BIN3: variants seen among roughly 807,000 people sequenced by gnomAD.
BIN3 encodes the protein bridging integrator 3.
Under a neutral mutation model 38.2 loss-of-function variants are expected in BIN3, and 41 were observed. The ratio of observed to expected loss-of-function variants is 1.07; its 90% confidence interval spans 0.84 to 1.39. The LOEUF (loss-of-function observed/expected upper bound fraction) is 1.39, where lower values mean the gene tolerates loss of function less well. BIN3 is among the 40% of genes most tolerant of loss of function. The pLI is 0.00. For synonymous variants in BIN3, 145 were observed against 122.6 expected, an observed-to-expected ratio of 1.18 and a Z score of -1.21; for missense variants, 361 against 324.3, an observed-to-expected ratio of 1.11 and a Z score of -0.87.
Position 22,661,596 on chromosome 8 carries a change from G to A in BIN3, c.8+7448C>T, listed in dbSNP as rs111878306. Among the ~76,000 whole-genome samples the A allele has an allele frequency of 9.8e-3, 1,492 of 151,794 alleles. 23 individuals are homozygous for A. The highest frequency in any genetic ancestry group is 0.034 in the African/African-American group (1,420 of 41,372). On this transcript the variant is annotated intron_variant, in intron 1 of 8. Coordinates refer to ENST00000276416, the MANE Select transcript of BIN3 (RefSeq NM_018688.6). Reference sequence around the variant, plus strand: ...TGGTCTTGAACTCCTGACCTCAAGTGATCTGCTTGCCTTGACCTCCCAGAG... The same window carrying A: ...TGGTCTTGAACTCCTGACCTCAAGTAATCTGCTTGCCTTGACCTCCCAGAG...
chr8:22,646,160 TC>T (rs1802708464), intron 1 of BIN3, among the ~76,000 whole-genome samples: 1 of 152,160 alleles, frequency 6.6e-6, no homozygotes, highest in Non-Finnish European at 1.5e-5. Context: ...CACTGAGCAT[TC>T]TATGATTCTC....
chr8:22,644,171 A>G (rs1358018628), intron 2 of BIN3, among the ~76,000 whole-genome samples: 1 of 152,260 alleles, frequency 6.6e-6, no homozygotes, highest in African/African-American at 2.4e-5. Flanking sequence ...CTAACTTCCT[A>G]AGAATCTATG....
rs188676071 is a variant in BIN3, at chr8:22,646,152, C to T, written c.9-1349G>A. Among the ~76,000 whole-genome samples, 108 of 152,326 alleles carry T rather than the reference C, an allele frequency of 7.1e-4. 1 individual carries two copies. Among genetic ancestry groups the T allele is most frequent in the African/African-American group, 2.4e-3 (101 of 41,570 alleles). On this transcript the variant is annotated intron_variant, in intron 1 of 8. Transcript: ENST00000276416. Reference sequence around the variant, plus strand: ...GTAATTTAGGAGCTTCCTTGAGGCACTGAGCATTCTATGATTCTCCAACTC... The same window carrying T: ...GTAATTTAGGAGCTTCCTTGAGGCATTGAGCATTCTATGATTCTCCAACTC...
intron 6 of BIN3, chr8:22,626,545 G>A (rs1802010858): frequency 6.6e-6 from 1 of 152,272 alleles, no homozygotes; most frequent in African/African-American, 2.4e-5. Context: ...TGTGTTAGAA[G>A]CCACCTGCTG....
At position 22,625,131 on chromosome 8, in the gene BIN3, T is replaced by G. The variant is rs73671216; in HGVS notation, c.339-768A>C. ...GACTAGAAGGGACCGCGTGGGAGAC[T>G]CAGAGGAGTGGCCCTCAGAGAGAGC... On this transcript the variant is annotated intron_variant, in intron 6 of 8. Transcript: ENST00000276416. 2,497 of 570,254 alleles carry G rather than the reference T, an allele frequency of 4.4e-3. 39 individuals carry two copies. The highest frequency in any genetic ancestry group is 0.039 in the African/African-American group (2,106 of 53,810). The allele number at this position is 570,254 out of a possible 1,614,324, so 35.3% of individuals were successfully genotyped here.
intron 6 of BIN3, among the ~76,000 whole-genome samples, chr8:22,626,920 A>C (rs1336672907): frequency 6.6e-6 from 1 of 152,090 alleles, no homozygotes; most frequent in Non-Finnish European, 1.5e-5. Flanking sequence ...ACTACAGCGG[A>C]GTGCCGAGCG....
chr8:22,627,982 A>G (rs1400318015), intron 6 of BIN3, among the ~76,000 whole-genome samples: 1 of 152,206 alleles, frequency 6.6e-6, no homozygotes, highest in African/African-American at 2.4e-5. Flanking sequence ...AGCATTACCC[A>G]TGATCACTGC....
chr8:22,664,711 C>T (rs1803356328), intron 1 of BIN3, among the ~76,000 whole-genome samples: 1 of 152,200 alleles, frequency 6.6e-6, no homozygotes. Context: ...TCTAGTTCTT[C>T]CAGGTACTAG....
chr8:22,627,660 T>TC (rs1802044893), intron 6 of BIN3, among the ~76,000 whole-genome samples: 1 of 151,762 alleles, frequency 6.6e-6, no homozygotes, highest in Admixed American at 6.5e-5. Context: ...TCACCCCTCC[T>TC]CTCTCCCTGC....
chr8:22,631,677 C>A (rs1414896181), intron 4 of BIN3, among the ~76,000 whole-genome samples: 2 of 152,196 alleles, frequency 1.3e-5, no homozygotes, highest in Admixed American at 1.3e-4. Context: ...GTCCATCAGG[C>A]TCTGTCCATC....
At chr8:22,662,755 A>C (rs912891515) in intron 1 of BIN3, among the ~76,000 whole-genome samples, 1 of 152,210 alleles carries the variant, frequency 6.6e-6, no homozygotes, top group Admixed American at 6.5e-5. Flanking sequence ...CATAGATCAA[A>C]ATCAGTCATG....
intron 2 of BIN3, among the ~76,000 whole-genome samples, chr8:22,641,091 C>A (rs1473002518): frequency 1.3e-5 from 2 of 152,190 alleles, no homozygotes; most frequent in African/African-American, 4.8e-5. Flanking sequence ...TAAAGGGACA[C>A]ACTGGAGCCT....
rs1801791626 is a variant in BIN3, at chr8:22,621,199, G to C, written c.*223C>G. On this transcript the variant is annotated 3_prime_UTR_variant, in exon 9 of 9. Transcript: ENST00000276416. Reference sequence around the variant, plus strand: ...GTTCTCCAAATAAAAAAGCCCCAAGGGTTTGTCTACACTGCTTACCTGCTG... The same window carrying C: ...GTTCTCCAAATAAAAAAGCCCCAAGCGTTTGTCTACACTGCTTACCTGCTG... 1.7e-6 allele frequency: 1 copy of C among 587,016 alleles called. No homozygotes were observed. The highest frequency in any genetic ancestry group is 3.0e-6 in the Non-Finnish European group (1 of 335,924). The allele number at this position is 587,016 out of a possible 1,614,324, so 36.4% of individuals were successfully genotyped here.
chr8:22,630,321 G>A lies in BIN3; in HGVS notation c.297+121C>T. ...CTTGCAGCACCTTGCAGCACACGAG[G>A]CCAGAGGGCTTAGAGCCCTGAGAGC... On this transcript the variant is annotated intron_variant, in intron 5 of 8. Coordinates refer to ENST00000276416, the MANE Select transcript of BIN3 (RefSeq NM_018688.6). 4 of 1,392,814 alleles carry A rather than the reference G, an allele frequency of 2.9e-6. No individual in the cohort carries two copies. In the South Asian group the frequency reaches 4.1e-5, roughly 14 times the overall value. 86.3% of individuals were successfully genotyped at this position (1,392,814 alleles called of 1,614,324 possible). A position where few individuals can be genotyped will look rare whatever the true frequency, so the allele number is the denominator to read the frequency against.
At chr8:22,628,208 C>T (rs773413616) in intron 6 of BIN3, among the ~76,000 whole-genome samples, 24 of 152,222 alleles carry the variant, frequency 1.6e-4, no homozygotes, top group African/African-American at 2.2e-4. Context: ...CATCCCCATC[C>T]GACATGTGAA....
In BIN3 at chr8:22,621,385, G is replaced by A; in HGVS notation, c.*37C>T. 2 of 1,595,278 alleles carry A rather than the reference G, an allele frequency of 1.3e-6. No homozygotes were observed. The highest frequency in any genetic ancestry group is 2.3e-5 in the East Asian group (1 of 44,178). On this transcript the variant is annotated 3_prime_UTR_variant, in exon 9 of 9. Coordinates refer to ENST00000276416, the MANE Select transcript of BIN3 (RefSeq NM_018688.6). ...GAGAAGGGCAAGGATGAATGAGGCT[G>A]ACCACGTCACAGGAGTCCTCCAAGA... is the stretch of plus-strand genomic sequence containing the variant.
At chr8:22,629,704 A>C in intron 6 of BIN3, 1 of 565,984 alleles carries the variant, frequency 1.8e-6, no homozygotes, top group Non-Finnish European at 3.2e-6. Flanking sequence ...CCACCAGAAC[A>C]GCGGCGGTTG....
At chr8:22,663,169 T>C (rs4615566) in intron 1 of BIN3, among the ~76,000 whole-genome samples, 85,054 of 151,684 alleles carry the variant, frequency 0.56, 24,560 homozygotes, top group East Asian at 0.73. Context: ...TCAGAGTGCA[T>C]TGCACACATA....
chr8:22,649,809 G>A (rs999436912), intron 1 of BIN3, among the ~76,000 whole-genome samples: 20 of 77,854 alleles, frequency 2.6e-4, no homozygotes, highest in Non-Finnish European at 4.8e-4. Context: ...AAACGCAAAG[G>A]ACAACACACA....
Sources: allele counts gnomAD v4.1 joint callset (sites outside exome capture counted in the v4.1 genomes callset), GRCh38; gene constraint gnomAD v4.1.1; transcripts MANE v1.5; gene names NCBI Gene and HGNC (gene_info 2026-07-23, HGNC 2026-07-21).